The following RASAL2 variants were observed in gnomAD, a reference collection of about 807,000 sequenced individuals.
The protein encoded by RASAL2 is RAS protein activator like 2.
RASAL2 carries 58 observed loss-of-function variants against 128.9 expected under a neutral mutation model. The observed-to-expected ratio is 0.45, with a 90% CI of 0.36 to 0.56. RASAL2 has a LOEUF of 0.56. Ranked by LOEUF, RASAL2 falls within the 20% of genes least tolerant of loss-of-function variation. The pLI, the probability that RASAL2 is intolerant of heterozygous loss-of-function variation, is 0.00. For synonymous variants in RASAL2, 561 were observed against 580.8 expected (o/e 0.97, Z 0.49); for missense variants, 1,360 against 1,601.6 (o/e 0.85, Z 2.57).
In RASAL2 at chr1:178,120,433, A is replaced by G. The variant is rs9988510; in HGVS notation, c.202+25739A>G. ...AAAACTGTGACTGAGACAAGTGCACAGTACAGGAAAGAGGCATAGATGGAA... is the reference window on the plus strand; with the variant it reads ...AAAACTGTGACTGAGACAAGTGCACGGTACAGGAAAGAGGCATAGATGGAA... On this transcript the variant is annotated intron_variant, in intron 1 of 17. Coordinates refer to ENST00000367649, the MANE Select transcript of RASAL2 (RefSeq NM_170692.4). Among the ~76,000 whole-genome samples the G allele has an allele frequency of 5.2e-3, 790 of 152,346 alleles. 8 individuals carry two copies. The highest frequency in any genetic ancestry group is 0.018 in the African/African-American group (761 of 41,588).
At chr1:178,466,261 T>C (rs989613985) in intron 16 of RASAL2, 139 bp downstream of exon 16, 2 of 736,668 alleles carry the variant, frequency 2.7e-6, no homozygotes, top group Non-Finnish European at 4.1e-6. Context: ...ATTGACTGTA[T>C]CTCTTAAAAT....
chr1:178,189,941 G>C (rs1466555409), intron 1 of RASAL2, among the ~76,000 whole-genome samples: 1 of 152,084 alleles, frequency 6.6e-6, no homozygotes, highest in African/African-American at 2.4e-5. Flanking sequence ...ACTGCTTTGT[G>C]CTGTGAACCA....
At chr1:178,285,103 CTTTTTTTTT>C (rs58901015) in intron 2 of RASAL2, among the ~76,000 whole-genome samples, 16 of 81,936 alleles carry the variant, frequency 2.0e-4, no homozygotes, top group South Asian at 1.2e-3. Flanking sequence ...TTGCTACTTT[CTTTTTTTTT>C]TTTTTTTTTT....
intron 1 of RASAL2, among the ~76,000 whole-genome samples, chr1:178,131,151 G>T (rs945675251): frequency 6.6e-6 from 1 of 151,600 alleles, no homozygotes; most frequent in African/African-American, 2.4e-5. Context: ...CAAATAATTA[G>T]AGTAAAACCC....
At chr1:178,147,136 TA>T (rs1317968883) in intron 1 of RASAL2, among the ~76,000 whole-genome samples, 2 of 152,212 alleles carry the variant, frequency 1.3e-5, no homozygotes, top group Non-Finnish European at 2.9e-5. Context: ...TGAACTTTTA[TA>T]TTTAGAGGAT....
At chr1:178,306,228 T>A (rs375515311) in intron 3 of RASAL2, among the ~76,000 whole-genome samples, 3 of 152,156 alleles carry the variant, frequency 2.0e-5, no homozygotes, top group African/African-American at 7.2e-5. Flanking sequence ...GACATGAACT[T>A]ATCATTTTTT....
At chr1:178,142,301 A>G (rs1660563223) in intron 1 of RASAL2, among the ~76,000 whole-genome samples, 1 of 152,126 alleles carries the variant, frequency 6.6e-6, no homozygotes, top group Non-Finnish European at 1.5e-5. Flanking sequence ...GGATGTGTCT[A>G]GGGATGGGAA....
intron 1 of RASAL2, among the ~76,000 whole-genome samples, chr1:178,279,440 C>T (rs1666676187): frequency 1.3e-5 from 2 of 152,142 alleles, no homozygotes; most frequent in Non-Finnish European, 2.9e-5. Flanking sequence ...TTACATCAGT[C>T]TCCCATACAT....
In RASAL2 at chr1:178,458,250, C is replaced by T. The variant is rs1315876241; in HGVS notation, c.2958C>T (p.Ser986=). Residue 986 remains serine (S), a synonymous_variant, in exon 14 of 18, where the codon TCC becomes TCT. Coordinates refer to ENST00000367649, the MANE Select transcript of RASAL2 (RefSeq NM_170692.4). Reference sequence around the variant, plus strand: ...GTAGCACTCAGAGTGAGGACTTCTCCAGGCGGCACACGGTGCCAGATAGAC... The same window carrying T: ...GTAGCACTCAGAGTGAGGACTTCTCTAGGCGGCACACGGTGCCAGATAGAC... ...TKRSTQSEDF[S]RRHTVPDRHI... is the part of the protein sequence containing the mutation. 1.9e-6 allele frequency: 3 copies of T among 1,614,248 alleles called. No homozygotes were observed. In the African/African-American group the frequency reaches 4.0e-5, roughly 22 times the overall value.
At chr1:178,187,469 C>G (rs993313489) in intron 1 of RASAL2, among the ~76,000 whole-genome samples, 2 of 152,052 alleles carry the variant, frequency 1.3e-5, no homozygotes, top group Admixed American at 1.3e-4. Flanking sequence ...CTAATTCTAT[C>G]ATGTCTGTCA....
At chr1:178,143,794 CT>C (rs1234263577) in intron 1 of RASAL2, among the ~76,000 whole-genome samples, 1 of 148,366 alleles carries the variant, frequency 6.7e-6, no homozygotes, top group African/African-American at 2.5e-5. Flanking sequence ...TCATGTATTA[CT>C]TATACAATTA....
intron 1 of RASAL2, among the ~76,000 whole-genome samples, chr1:178,274,526 C>T (rs1036392939): frequency 8.5e-5 from 13 of 152,098 alleles, no homozygotes; most frequent in African/African-American, 2.7e-4. Context: ...GAGTTTTTAT[C>T]GCTTAGTAAT....
Position 178,206,516 on chromosome 1 carries a change from T to C in RASAL2, c.203-77048T>C, listed in dbSNP as rs942528090. On this transcript the variant is annotated intron_variant, in intron 1 of 17. Coordinates refer to ENST00000367649, the MANE Select transcript of RASAL2 (RefSeq NM_170692.4). The stretch of plus-strand genomic sequence containing the variant: ...GAAGGTTAAGTGACAAGCCAAAATA[T>C]AGTTGCATGGCTAATAAGGAATAGA... Among the ~76,000 whole-genome samples the C allele has an allele frequency of 6.6e-5, 10 of 152,292 alleles. No individual in the cohort carries two copies. The East Asian group carries it at 1.7e-3, about 27-fold the overall frequency.
chr1:178,413,391 G>A (rs1347217435), intron 4 of RASAL2, among the ~76,000 whole-genome samples: 2 of 152,174 alleles, frequency 1.3e-5, no homozygotes, highest in Non-Finnish European at 2.9e-5. Flanking sequence ...TGGGTGGGGT[G>A]AGGGGCACTG....
intron 15 of RASAL2, among the ~76,000 whole-genome samples, chr1:178,464,963 G>A (rs1647528895): frequency 6.6e-6 from 1 of 151,224 alleles, no homozygotes; most frequent in African/African-American, 2.4e-5. Flanking sequence ...TTGACAAGGG[G>A]TAAAAGGGTT....
At chr1:178,184,893 C>T (rs1662235282) in intron 1 of RASAL2, among the ~76,000 whole-genome samples, 1 of 151,924 alleles carries the variant, frequency 6.6e-6, no homozygotes, top group Non-Finnish European at 1.5e-5. Context: ...ATATATAGAA[C>T]AAATAGGGAA....
chr1:178,120,930 C>T (rs957355542), intron 1 of RASAL2: 5 of 152,270 alleles, frequency 3.3e-5, no homozygotes, highest in African/African-American at 1.2e-4. Flanking sequence ...TGAAGCTTCG[C>T]TTGCGCTTGC....
chr1:178,362,996 G>T (rs1671205986), intron 3 of RASAL2, among the ~76,000 whole-genome samples: 4 of 152,018 alleles, frequency 2.6e-5, no homozygotes, highest in Admixed American at 2.6e-4. Flanking sequence ...ATAAGATTGT[G>T]ATTTCATTTC....
chr1:178,262,581 T>G (rs533530145), intron 1 of RASAL2, among the ~76,000 whole-genome samples: 1 of 152,208 alleles, frequency 6.6e-6, no homozygotes, highest in African/African-American at 2.4e-5. Context: ...TTTATATTCT[T>G]GTGATTGCAT....
Sources: gnomAD v4.1 joint callset for allele counts (sites outside exome capture counted in the v4.1 genomes callset) on GRCh38, gnomAD v4.1.1 for gene constraint, MANE v1.5 for transcripts, NCBI Gene and HGNC (gene_info 2026-07-23, HGNC 2026-07-21) for gene names.